PFKP: variants seen among roughly 807,000 people sequenced by gnomAD.
PFKP encodes ATP-dependent 6-phosphofructokinase, platelet type.
A neutral mutation model predicts 94.3 loss-of-function variants in PFKP; 101 were observed. The observed-to-expected ratio is 1.07, with a 90% CI of 0.91 to 1.26. The LOEUF is 1.26. Ranked by LOEUF, PFKP falls within the 50% of genes most tolerant of loss-of-function variation. The pLI, the probability that PFKP is intolerant of heterozygous loss-of-function variation, is 0.00. For synonymous variants in PFKP, 573 were observed against 432.6 expected (o/e 1.32, Z -4.03); for missense variants, 1,145 against 1,103.3 (o/e 1.04, Z -0.53).
intron 1 of PFKP, among the ~76,000 whole-genome samples, chr10:3,073,546 G>A (rs943459908): frequency 6.6e-6 from 1 of 151,852 alleles, no homozygotes; most frequent in Non-Finnish European, 1.5e-5. Context: ...TTTGCAAATC[G>A]GGCAGATCAG....
At chr10:3,117,823 G>A (rs962763760) in intron 14 of PFKP, among the ~76,000 whole-genome samples, 1 of 152,178 alleles carries the variant, frequency 6.6e-6, no homozygotes, top group Non-Finnish European at 1.5e-5. Context: ...TGGCTGTTGT[G>A]GGCTCGTCCT....
In PFKP at chr10:3,082,412, T is replaced by C. The variant is rs778140364; in HGVS notation, c.137T>C (p.Val46Ala). The C allele has an allele frequency of 3.1e-6, 5 of 1,607,926 alleles. No individual in the cohort carries two copies. In the Admixed American group the frequency reaches 8.4e-5, roughly 27 times the overall value. ...AQGMNAAVRA[V>A]VRMGIYVGAK... ...GGTATGAACGCTGCCGTCCGTGCCG[T>C]GGTGCGCATGGGTATCTACGTGGGG... The change falls in exon 2 of 22, where the codon GTG becomes GCG. Residue 46 changes from valine (V) to alanine (A), a missense_variant. By Grantham distance (64) the Val-to-Ala change is moderately conservative. Coordinates refer to ENST00000381125, the MANE Select transcript of PFKP (RefSeq NM_002627.5).
intron 8 of PFKP, 144 bp downstream of exon 8, chr10:3,107,453 T>G: frequency 3.2e-6 from 2 of 620,184 alleles, no homozygotes; most frequent in South Asian, 4.0e-5. Flanking sequence ...GACTCAGAAG[T>G]TGGACGGCAG....
At chr10:3,134,254 T>C (rs1838943723) in intron 19 of PFKP, among the ~76,000 whole-genome samples, 1 of 152,226 alleles carries the variant, frequency 6.6e-6, no homozygotes, top group Admixed American at 6.5e-5. Flanking sequence ...GATTGTTAGT[T>C]GACTTGTTCG....
intron 16 of PFKP, chr10:3,125,362 G>C (rs1837840947): frequency 1.2e-6 from 1 of 840,152 alleles, no homozygotes. Flanking sequence ...CCCTTTGTTA[G>C]CTTGGCTTTA....
chr10:3,136,471 G>A lies in PFKP; in HGVS notation c.2247G>A (p.Gln749=). 1 of 1,613,720 alleles carries A rather than the reference G, an allele frequency of 6.2e-7. No homozygotes were observed. The highest frequency in any genetic ancestry group is 1.1e-5 in the South Asian group (1 of 91,050). ...TDFEHRIPKE[Q]WWLKLRPLMK... ...ACAGGCACAGGATTCCCAAAGAACA[G>A]TGGTGGCTCAAGCTACGGCCCCTCA... The change falls in exon 22 of 22, where the codon CAG becomes CAA. Residue 749 remains glutamine, a synonymous_variant. Transcript: ENST00000381125.
intron 16 of PFKP, chr10:3,129,535 T>G: frequency 2.4e-6 from 1 of 420,348 alleles, no homozygotes. Flanking sequence ...TCCGTCCCCT[T>G]CTATGGGGCC....
chr10:3,075,167 G>A (rs2131384143), intron 1 of PFKP, among the ~76,000 whole-genome samples: 1 of 152,314 alleles, frequency 6.6e-6, no homozygotes, highest in South Asian at 2.1e-4. Context: ...TTTCCACCCT[G>A]GGTGGGCCAG....
At chr10:3,089,331 C>A (rs538661639) in intron 2 of PFKP, among the ~76,000 whole-genome samples, 1 of 152,266 alleles carries the variant, frequency 6.6e-6, no homozygotes, top group South Asian at 2.1e-4. Context: ...GTGTTGTGGG[C>A]GTGCACCACG....
chr10:3,110,845 T>G (rs1836137370), intron 10 of PFKP, among the ~76,000 whole-genome samples: 1 of 151,432 alleles, frequency 6.6e-6, no homozygotes. Context: ...TATGTTTATA[T>G]GCATGAGTAT....
intron 2 of PFKP, among the ~76,000 whole-genome samples, chr10:3,083,688 G>A (rs989551473): frequency 6.6e-6 from 1 of 151,990 alleles, no homozygotes; most frequent in Non-Finnish European, 1.5e-5. Context: ...TGTCCCCCAG[G>A]CTTGAGTGCA....
At chr10:3,090,579 G>T (rs767120886) in intron 2 of PFKP, among the ~76,000 whole-genome samples, 1 of 151,972 alleles carries the variant, frequency 6.6e-6, no homozygotes, top group Non-Finnish European at 1.5e-5. Context: ...TGGTCTCTGC[G>T]TCATACCCAC....
In PFKP at chr10:3,070,926, T is replaced by TTATTATTATTATTA. The variant is rs767737023; in HGVS notation, c.112+3220_112+3221insATTATTATTATTAT. Among the ~76,000 whole-genome samples, 196 of 148,374 alleles carry TTATTATTATTATTA rather than the reference T, an allele frequency of 1.3e-3. 2 individuals carry two copies. The highest frequency in any genetic ancestry group is 3.5e-3 in the Middle Eastern group (1 of 282). On this transcript the variant is annotated intron_variant, in intron 1 of 21. Transcript: ENST00000381125. ...TATTATTATTATTATTATTATTATTTTTGTAGAGACAGGATCTCACTATGC... is the reference window on the plus strand; with the variant it reads ...TATTATTATTATTATTATTATTATTTTATTATTATTATTATTGTAGAGACAGGATCTCACTATGC...
rs374125721 is a variant in PFKP at position 3,109,444 on chromosome 10, C to T, written c.1053C>T (p.His351=). The T allele has an allele frequency of 2.6e-5, 41 of 1,607,274 alleles. No individual in the cohort carries two copies. The highest frequency in any genetic ancestry group is 8.9e-5 in the East Asian group (4 of 44,858). Reference sequence around the variant, plus strand: ...GCGTCGTGTCACTGAACGGGAACCACGCCGTGCGCCTGCCGCTGATGGAGT... The same window carrying T: ...GCGTCGTGTCACTGAACGGGAACCATGCCGTGCGCCTGCCGCTGATGGAGT... The part of the protein sequence containing the change: ...PACVVSLNGN[H]AVRLPLMECV... The change falls in exon 10 of 22, where the codon CAC becomes CAT. Residue 351 remains histidine, a synonymous_variant. Coordinates refer to ENST00000381125, the MANE Select transcript of PFKP (RefSeq NM_002627.5).
Position 3,103,928 on chromosome 10 carries a change from A to G in PFKP, c.604A>G (p.Met202Val). ...GATCATCGAGGTCGTCGACGCCATC[A>G]TGACCACGGCCCAGAGGTAAAGCGC... ...HRIIEVVDAI[M>V]TTAQSHQRTF... The change falls in exon 5 of 22, where the codon ATG becomes GTG. Residue 202 changes from methionine to valine, a missense_variant. Around this residue, in one of 3 missense-constraint regions of PFKP, gnomAD observed 1,119 missense variants for 1,062.8 expected, o/e 1.05. Transcript: ENST00000381125. 1.2e-6 allele frequency: 2 copies of G among 1,613,650 alleles called. No individual in the cohort carries two copies. Among genetic ancestry groups the G allele is most frequent in the Non-Finnish European group, 1.7e-6 (2 of 1,180,030 alleles).
intron 10 of PFKP, among the ~76,000 whole-genome samples, chr10:3,111,356 G>T (rs144961738): frequency 6.6e-6 from 1 of 152,238 alleles, no homozygotes; most frequent in African/African-American, 2.4e-5. Flanking sequence ...GTGTCTGCAC[G>T]TTAGTGTGTG....
intron 19 of PFKP, among the ~76,000 whole-genome samples, chr10:3,133,989 C>T (rs985389113): frequency 1.3e-5 from 2 of 152,214 alleles, no homozygotes; most frequent in African/African-American, 4.8e-5. Context: ...GAGCTGCACA[C>T]AGGCACACAC....
intron 13 of PFKP, 123 bp from the exon 14 acceptor site, chr10:3,116,653 A>G: frequency 1.3e-6 from 1 of 758,666 alleles, no homozygotes; most frequent in Non-Finnish European, 2.4e-6. Flanking sequence ...ATGCTGTCTC[A>G]TACGCCTCTC....
Position 3,105,166 on chromosome 10 carries a change from A to G in PFKP, c.665+7A>G, listed in dbSNP as rs766946814. ...TGATGGGACGACACTGTGGGTACGT[A>G]CCTGCGGTGGGTCCGGTGGACGCGG... On this transcript the variant is annotated splice_region_variant and intron_variant, in intron 6 of 21. Transcript: ENST00000381125. 4 of 1,612,722 alleles carry G rather than the reference A, an allele frequency of 2.5e-6. No individual in the cohort carries two copies. The African/African-American group carries it at 4.0e-5, about 16-fold the overall frequency.
Sources: gnomAD v4.1 joint callset for allele counts (sites outside exome capture counted in the v4.1 genomes callset) on GRCh38, gnomAD v4.1.1 for gene constraint, gnomAD v4.1.1 regional missense constraint, MANE v1.5 for transcripts, NCBI Gene and HGNC (gene_info 2026-07-23, HGNC 2026-07-21) for gene names.